Variants in LYPLAL1 observed in about 807,000 individuals in gnomAD.
LYPLAL1 encodes the protein lysophospholipase like 1.
LYPLAL1 carries 23 observed loss-of-function variants against 19.7 expected under a neutral mutation model. That is an observed-to-expected ratio of 1.17 (90% CI 0.84 to 1.65). The LOEUF is 1.65. Ranked by LOEUF, LYPLAL1 falls within the 40% of genes most tolerant of loss-of-function variation. The probability of loss-of-function intolerance (pLI) is 0.00; values close to 1 mark genes in which losing one functional copy is unlikely to be tolerated. For missense variants in LYPLAL1, 355 were observed against 279.4 expected, an observed-to-expected ratio of 1.27 and a Z score of -1.93; for synonymous variants, 119 against 96.3, an observed-to-expected ratio of 1.24 and a Z score of -1.38.
At chr1:219,421,961 T>C in the LYPLAL1 span, among the ~76,000 whole-genome samples, 22 of 152,324 alleles carry the variant, frequency 1.4e-4, no homozygotes, top group East Asian at 2.1e-3. Flanking sequence ...AAAAATTTGA[T>C]TGTGCCCTTT....
chr1:219,271,333 A>T, the LYPLAL1 span: 1 of 150,894 alleles, frequency 6.6e-6, no homozygotes, highest in East Asian at 1.9e-4. Flanking sequence ...TAATCCCCAC[A>T]GCACAAGTGG....
At chr1:219,175,662 G>T (rs1469210838) in intron 1 of LYPLAL1, among the ~76,000 whole-genome samples, 1 of 152,160 alleles carries the variant, frequency 6.6e-6, no homozygotes, top group East Asian at 1.9e-4. Flanking sequence ...ATTCTGCCAA[G>T]TATGCGAGTA....
chr1:219,210,606 G>A lies in LYPLAL1; in HGVS notation c.436G>A (p.Ala146Thr). ...TCATCAAGATGTGGCAGGAGTATTT[G>A]CTCTTTCTAGTTTTCTGAATAAAGC... is the stretch of plus-strand genomic sequence containing the variant. ...RNHQDVAGVF[A>T]LSSFLNKASA... Residue 146 changes from alanine to threonine, a missense_variant, in exon 4 of 5, where the codon GCT becomes ACT. Ala to Thr is a moderately conservative substitution (Grantham distance 58). Coordinates refer to ENST00000366928, the MANE Select transcript of LYPLAL1 (RefSeq NM_138794.5). 1 of 1,610,168 alleles carries A rather than the reference G, an allele frequency of 6.2e-7. No homozygotes were observed.
At chr1:219,439,988 T>TAC in the LYPLAL1 span, among the ~76,000 whole-genome samples, 2 of 65,714 alleles carry the variant, frequency 3.0e-5, no homozygotes, top group African/African-American at 9.8e-5. Context: ...TATATATATA[T>TAC]ATACACACAT....
chr1:219,326,274 T>C, the LYPLAL1 span, among the ~76,000 whole-genome samples: 1 of 134,116 alleles, frequency 7.5e-6, no homozygotes, highest in Admixed American at 8.1e-5. Flanking sequence ...ATTTTGTTAG[T>C]TCGTGAGGGT....
the LYPLAL1 span, among the ~76,000 whole-genome samples, chr1:219,276,476 A>G: frequency 1.3e-5 from 2 of 152,260 alleles, no homozygotes; most frequent in South Asian, 2.1e-4. Flanking sequence ...TCCATTGTCT[A>G]AGACATAGAA....
At chr1:219,193,988 T>C (rs1657405610) in intron 3 of LYPLAL1, among the ~76,000 whole-genome samples, 1 of 151,906 alleles carries the variant, frequency 6.6e-6, no homozygotes, top group Admixed American at 6.6e-5. Context: ...AACATTAAAA[T>C]GCACATTGAA....
the LYPLAL1 span, among the ~76,000 whole-genome samples, chr1:219,226,203 A>G: frequency 6.6e-6 from 1 of 152,164 alleles, no homozygotes; most frequent in South Asian, 2.1e-4. Flanking sequence ...AGTGATTGCC[A>G]CACAATTGAC....
At chr1:219,280,979 G>A in the LYPLAL1 span, among the ~76,000 whole-genome samples, 1 of 152,204 alleles carries the variant, frequency 6.6e-6, no homozygotes, top group Non-Finnish European at 1.5e-5. Flanking sequence ...AACCCAGGAG[G>A]CAGAGGTTGC....
chr1:219,345,410 G>C, the LYPLAL1 span, among the ~76,000 whole-genome samples: 1 of 152,248 alleles, frequency 6.6e-6, no homozygotes, highest in South Asian at 2.1e-4. Context: ...TCCCTTACCA[G>C]AAAGCTGCTG....
chr1:219,247,187 A>G, the LYPLAL1 span, among the ~76,000 whole-genome samples: 1 of 152,226 alleles, frequency 6.6e-6, no homozygotes, highest in Non-Finnish European at 1.5e-5. Flanking sequence ...TCAAATTTTC[A>G]TGATAATGTG....
intron 2 of LYPLAL1, among the ~76,000 whole-genome samples, chr1:219,186,102 A>G (rs1192761312): frequency 6.6e-6 from 1 of 151,918 alleles, no homozygotes. Context: ...GTCCTAAATA[A>G]CCCATGAGTT....
At chr1:219,219,250 G>C in the LYPLAL1 span, among the ~76,000 whole-genome samples, 1 of 152,092 alleles carries the variant, frequency 6.6e-6, no homozygotes, top group Non-Finnish European at 1.5e-5. Context: ...CCCTCAGACT[G>C]TGCTTAAATA....
intron 1 of LYPLAL1, among the ~76,000 whole-genome samples, chr1:219,178,839 T>C (rs1656027196): frequency 6.6e-6 from 1 of 152,092 alleles, no homozygotes; most frequent in South Asian, 2.1e-4. Flanking sequence ...TTTAGAAAAA[T>C]CAATTTATTT....
chr1:219,244,181 C>G, the LYPLAL1 span, among the ~76,000 whole-genome samples: 2 of 152,122 alleles, frequency 1.3e-5, no homozygotes, highest in African/African-American at 4.8e-5. Context: ...ATTAAGTGAC[C>G]TTCACGATGA....
chr1:219,267,034 AC>A, the LYPLAL1 span, among the ~76,000 whole-genome samples: 1 of 152,178 alleles, frequency 6.6e-6, no homozygotes, highest in East Asian at 1.9e-4. Flanking sequence ...AGAAAATACC[AC>A]CCCAATTTTT....
chr1:219,358,180 G>A, the LYPLAL1 span, among the ~76,000 whole-genome samples: 1 of 152,124 alleles, frequency 6.6e-6, no homozygotes, highest in African/African-American at 2.4e-5. Context: ...AAGGTTCAGA[G>A]ATTTCAGGAT....
chr1:219,221,469 T>C, the LYPLAL1 span, among the ~76,000 whole-genome samples: 1 of 152,210 alleles, frequency 6.6e-6, no homozygotes. Flanking sequence ...TTCACTTTGT[T>C]AGTCATGGAG....
At chr1:219,323,552 G>A in the LYPLAL1 span, among the ~76,000 whole-genome samples, 1 of 152,138 alleles carries the variant, frequency 6.6e-6, no homozygotes, top group African/African-American at 2.4e-5. Flanking sequence ...TCCTGCCCAC[G>A]TCTGTTGTGA....
Sources: allele counts gnomAD v4.1 joint callset (sites outside exome capture counted in the v4.1 genomes callset), GRCh38; gene constraint gnomAD v4.1.1; transcripts MANE v1.5; gene names NCBI Gene and HGNC (gene_info 2026-07-23, HGNC 2026-07-21).